MEF2C: variants seen among roughly 807,000 people sequenced by gnomAD.
MEF2C encodes myocyte-specific enhancer factor 2C.
A neutral mutation model predicts 50.5 loss-of-function variants in MEF2C; 6 were observed. That is an observed-to-expected ratio of 0.12 (90% CI 0.07 to 0.23). The LOEUF (loss-of-function observed/expected upper bound fraction) is 0.23. Among genes scored for constraint, MEF2C ranks in the 10% least tolerant of loss-of-function variants. The pLI, the probability that MEF2C is intolerant of heterozygous loss-of-function variation, is 1.00. For synonymous variants in MEF2C, 183 were observed against 228.0 expected (o/e 0.80, Z 1.78); for missense variants, 276 against 605.0 (o/e 0.46, Z 5.70).
At chr5:88,886,422 AG>A (rs1415486822), upstream of MEF2C, among the ~76,000 whole-genome samples, 1 of 152,206 alleles carries the variant, frequency 6.6e-6, no homozygotes, top group East Asian at 1.9e-4. Context: ...ACTAGGTGTC[AG>A]GAGACCTGGA....
At chr5:88,779,535 G>C (rs1270836064) in intron 3 of MEF2C, among the ~76,000 whole-genome samples, 1 of 151,992 alleles carries the variant, frequency 6.6e-6, no homozygotes. Context: ...TATGTATTTT[G>C]TGCTGGAAAC....
At chr5:88,760,186 A>G (rs1005660942) in intron 4 of MEF2C, among the ~76,000 whole-genome samples, 5 of 152,380 alleles carry the variant, frequency 3.3e-5, no homozygotes, top group Admixed American at 3.3e-4. Context: ...TATTTGATTG[A>G]TGACAGAATC....
chr5:88,899,838 C>T (rs1233497151), intron 1 of MEF2C, among the ~76,000 whole-genome samples: 1 of 152,082 alleles, frequency 6.6e-6, no homozygotes, highest in African/African-American at 2.4e-5. Context: ...ATGGAATAAG[C>T]AAATATATTT....
At chr5:88,786,966 G>A (rs1180129145) in intron 3 of MEF2C, among the ~76,000 whole-genome samples, 2 of 152,142 alleles carry the variant, frequency 1.3e-5, no homozygotes, top group East Asian at 3.8e-4. Flanking sequence ...AATCACAGAT[G>A]CATCACCAGT....
At chr5:88,773,963 T>G (rs1351434636) in intron 3 of MEF2C, among the ~76,000 whole-genome samples, 2 of 152,186 alleles carry the variant, frequency 1.3e-5, no homozygotes, top group East Asian at 1.9e-4. Flanking sequence ...AAAGGTATAA[T>G]GGGTAGATGG....
At chr5:88,754,800 C>G (rs779523058) in intron 4 of MEF2C, among the ~76,000 whole-genome samples, 4 of 152,232 alleles carry the variant, frequency 2.6e-5, no homozygotes, top group Non-Finnish European at 4.4e-5. Flanking sequence ...TGTGAGGGCT[C>G]TCATCTTAGA....
intron 3 of MEF2C, among the ~76,000 whole-genome samples, chr5:88,798,443 T>C (rs1008680627): frequency 7.9e-5 from 12 of 152,188 alleles, no homozygotes; most frequent in African/African-American, 2.6e-4. Context: ...GTATTGATAC[T>C]CGTGTATGCT....
At chr5:88,886,448 C>T (rs933420292), upstream of MEF2C, among the ~76,000 whole-genome samples, 7 of 152,206 alleles carry the variant, frequency 4.6e-5, no homozygotes, top group Non-Finnish European at 8.8e-5. Context: ...CTATCTAGTT[C>T]AAAATTTGTG....
At chr5:88,828,555 G>C (rs534317256) in intron 1 of MEF2C, among the ~76,000 whole-genome samples, 1 of 152,070 alleles carries the variant, frequency 6.6e-6, no homozygotes, top group East Asian at 1.9e-4. Flanking sequence ...ATAAATACAA[G>C]CTGGATACAT....
At chr5:88,870,302 A>G (rs974719358) in intron 1 of MEF2C, among the ~76,000 whole-genome samples, 2 of 152,104 alleles carry the variant, frequency 1.3e-5, no homozygotes, top group Non-Finnish European at 2.9e-5. Flanking sequence ...TTATGAATAT[A>G]AAAGTTTCTT....
intron 3 of MEF2C, among the ~76,000 whole-genome samples, chr5:88,776,075 T>C (rs990041688): frequency 6.6e-6 from 1 of 152,178 alleles, no homozygotes; most frequent in African/African-American, 2.4e-5. Flanking sequence ...TAATAGAAAC[T>C]GAATTTCATC....
intron 3 of MEF2C, among the ~76,000 whole-genome samples, chr5:88,797,101 G>A (rs1420594429): frequency 2.0e-5 from 3 of 152,154 alleles, no homozygotes; most frequent in Non-Finnish European, 2.9e-5. Context: ...GAAGTCCAAC[G>A]TTGATCTGGG....
In MEF2C at chr5:88,717,817, T is replaced by G. The variant is rs977550820; in HGVS notation, c.*4787A>C. On this transcript the variant is annotated 3_prime_UTR_variant, in exon 11 of 11. Coordinates refer to ENST00000504921, the MANE Select transcript of MEF2C (RefSeq NM_002397.5). ...TTATTCAGATTTATAAGCCTATGTT[T>G]TCAACTTTTAGAAATTACTTCGAAG... 9.9e-5 allele frequency: 15 copies of G among 152,254 alleles called. No individual in the cohort carries two copies. Among genetic ancestry groups the G allele is most frequent in the African/African-American group, 3.6e-4 (15 of 41,470 alleles). 9.4% of individuals were successfully genotyped at this position (152,254 alleles called of 1,614,324 possible).
At position 88,722,775 on chromosome 5, in the gene MEF2C, C is replaced by T; in HGVS notation, c.1251G>A (p.Gly417=). Residue 417 remains glycine, a synonymous_variant, in exon 11 of 11, where the codon GGG becomes GGA. Coordinates refer to ENST00000504921, the MANE Select transcript of MEF2C (RefSeq NM_002397.5). ...RYPQHTRHEA[G]RSPVDSLSSC... Reference sequence around the variant, plus strand: ...TGCTCAAGCTGTCAACAGGAGATCTCCCCGCCTCGTGGCGCGTGTGTTGTG... The same window carrying T: ...TGCTCAAGCTGTCAACAGGAGATCTTCCCGCCTCGTGGCGCGTGTGTTGTG... 6.2e-7 allele frequency: 1 copy of T among 1,613,916 alleles called. No individual in the cohort carries two copies. Among genetic ancestry groups the T allele is most frequent in the East Asian group, 2.2e-5 (1 of 44,876 alleles).
chr5:88,861,364 T>C (rs1215319236), intron 1 of MEF2C, among the ~76,000 whole-genome samples: 1 of 152,226 alleles, frequency 6.6e-6, no homozygotes, highest in Non-Finnish European at 1.5e-5. Context: ...CTCCAGGAGA[T>C]TCCAATGTGA....
chr5:88,848,338 A>C (rs745806317), intron 1 of MEF2C, among the ~76,000 whole-genome samples: 1 of 152,212 alleles, frequency 6.6e-6, no homozygotes, highest in Non-Finnish European at 1.5e-5. Flanking sequence ...TTGAATGGCT[A>C]CAACTTTCTA....
chr5:88,759,807 G>A (rs1034376730), intron 4 of MEF2C, among the ~76,000 whole-genome samples: 4 of 152,184 alleles, frequency 2.6e-5, no homozygotes, highest in Non-Finnish European at 4.4e-5. Context: ...TATTTATAAG[G>A]ATAGAAATTT....
intron 1 of MEF2C, among the ~76,000 whole-genome samples, chr5:88,844,848 T>C (rs893309755): frequency 6.6e-6 from 1 of 152,228 alleles, no homozygotes; most frequent in African/African-American, 2.4e-5. Flanking sequence ...TCTGACTATA[T>C]AGATTAACTT....
chr5:88,768,806 C>T, intron 3 of MEF2C: 1 of 495,876 alleles, frequency 2.0e-6, no homozygotes, highest in South Asian at 8.4e-5. Context: ...TGTTTTTATT[C>T]CCTCTTAATA....
Sources: allele counts gnomAD v4.1 joint callset (sites outside exome capture counted in the v4.1 genomes callset), GRCh38; gene constraint gnomAD v4.1.1; transcripts MANE v1.5; gene names NCBI Gene and HGNC (gene_info 2026-07-23, HGNC 2026-07-21).